TPM1: variants seen among roughly 807,000 people sequenced by gnomAD.
TPM1 encodes the protein tropomyosin alpha-1 chain.
In TPM1, 24 loss-of-function variants were observed where a neutral mutation model predicts 42.9. The ratio of observed to expected loss-of-function variants is 0.56; its 90% CI spans 0.41 to 0.79. TPM1 has a LOEUF of 0.79. TPM1 is among the 30% of genes least tolerant of loss of function. The probability of loss-of-function intolerance (pLI) is 0.00; values close to 1 mark genes in which losing one functional copy is unlikely to be tolerated. For missense variants in TPM1, 158 were observed against 351.8 expected (o/e 0.45, Z 4.41); for synonymous variants, 136 against 130.1 (o/e 1.05, Z -0.31).
chr15:63,050,692 T>C (rs2033678804), intron 2 of TPM1, among the ~76,000 whole-genome samples: 2 of 152,226 alleles, frequency 1.3e-5, no homozygotes, highest in Non-Finnish European at 2.9e-5. Flanking sequence ...ACACAGAACC[T>C]TTTAAGACAG....
intron 3 of TPM1, among the ~76,000 whole-genome samples, chr15:63,057,490 T>C (rs749818679): frequency 2.0e-5 from 3 of 152,236 alleles, no homozygotes; most frequent in Non-Finnish European, 2.9e-5. Context: ...CTTTATTTTA[T>C]AATATACAAG....
intron 2 of TPM1, chr15:63,046,320 A>T (rs2140666548): frequency 6.6e-6 from 1 of 152,342 alleles, no homozygotes; most frequent in African/African-American, 2.4e-5. Flanking sequence ...TTATTTACTA[A>T]AAAATAGTCA....
chr15:63,068,526 G>A (rs1293258451), downstream of TPM1, among the ~76,000 whole-genome samples: 2 of 152,154 alleles, frequency 1.3e-5, no homozygotes, highest in Admixed American at 6.5e-5. Flanking sequence ...TGACAGACCC[G>A]GGGGCTGCAG....
chr15:63,071,224 A>C, exon 9 of TPM1: 1 of 608,410 alleles, frequency 1.6e-6, no homozygotes, highest in Non-Finnish European at 2.6e-6. Context: ...TTTTGTTTTT[A>C]AACACCTGCT....
At chr15:63,070,474 C>T (rs1354842974), downstream of TPM1, 2 of 994,804 alleles carry the variant, frequency 2.0e-6, no homozygotes, top group South Asian at 4.4e-5. Flanking sequence ...GAAAGGTATG[C>T]TTTACTCAGT....
Position 63,042,776 on chromosome 15 carries a change from C to A in TPM1, c.-54C>A. The A allele has an allele frequency of 6.7e-7, 1 of 1,503,450 alleles. No homozygotes were observed. The highest frequency in any genetic ancestry group is 9.2e-7 in the Non-Finnish European group (1 of 1,088,426). The allele number at this position is 1,503,450 out of a possible 1,614,324, so 93.1% of individuals were successfully genotyped here. ...GCACTCCCGCTCCTCCGCCCGACCG[C>A]GCGCTCGCCCCGCCGCTCCTGCTGC... On this transcript the variant is annotated 5_prime_UTR_variant, in exon 1 of 10. Coordinates refer to ENST00000403994, the MANE Select transcript of TPM1 (RefSeq NM_001018005.2).
intron 8 of TPM1, 113 bp downstream of exon 8, chr15:63,062,758 A>G: frequency 6.3e-7 from 1 of 1,581,962 alleles, no homozygotes; most frequent in African/African-American, 1.4e-5. Context: ...GCACTTGCAC[A>G]TTCTTCCTGT....
At chr15:63,048,412 A>G in intron 2 of TPM1, 1 of 1,352,648 alleles carries the variant, frequency 7.4e-7, no homozygotes, top group Non-Finnish European at 9.4e-7. Flanking sequence ...GGAGGCTGCG[A>G]CTTCCGGACT....
intron 4 of TPM1, 45 bp from the exon 5 acceptor site, chr15:63,060,824 A>G (rs962391031): frequency 6.2e-7 from 1 of 1,611,658 alleles, no homozygotes; most frequent in Admixed American, 1.7e-5. Context: ...TGTTACACAA[A>G]GCTTGCAAGA....
chr15:63,056,544 G>A, intron 2 of TPM1: 2 of 215,484 alleles, frequency 9.3e-6, no homozygotes, highest in Non-Finnish European at 1.9e-5. Flanking sequence ...GCGGGCGCCT[G>A]TAGTCCCAAC....
intron 2 of TPM1, chr15:63,056,358 G>A (rs1596357023): frequency 6.5e-6 from 1 of 153,394 alleles, no homozygotes; most frequent in Admixed American, 6.5e-5. Context: ...GGCAAGTAAA[G>A]CCAGGGTGTT....
intron 8 of TPM1, chr15:63,062,880 T>C: frequency 6.6e-7 from 1 of 1,506,490 alleles, no homozygotes; most frequent in Non-Finnish European, 8.8e-7. Context: ...CCAGCTTGAC[T>C]TCATGCTCAT....
chr15:63,062,761 C>T lies in TPM1; in HGVS notation c.772+116C>T, dbSNP rs762459188. ...ATACGCTCCTTTGCACTTGCACATT[C>T]TTCCTGTGTGTCCTCTGGGGTTTTT... On this transcript the variant is annotated intron_variant, in intron 8 of 9. Transcript: ENST00000403994. 2.5e-6 allele frequency: 4 copies of T among 1,578,064 alleles called. No individual in the cohort carries two copies. In the Admixed American group the frequency reaches 7.3e-5, roughly 29 times the overall value.
rs571232866 is a variant in TPM1, at chr15:63,048,081, T to C, written c.240+3929T>C. 2.4e-3 allele frequency: 892 copies of C among 369,982 alleles called. 23 individuals are homozygous for C. The highest frequency in any genetic ancestry group is 0.017 in the South Asian group (873 of 52,356). 22.9% of individuals were successfully genotyped at this position (369,982 alleles called of 1,614,324 possible). A position where few individuals can be genotyped will look rare whatever the true frequency, so the allele number is the denominator to read the frequency against. ...TCCGGCTCCAGACCCGCCGCTCAGCTTCTCTGGCTCCCGGGCATGGGAATC... is the reference window on the plus strand; with the variant it reads ...TCCGGCTCCAGACCCGCCGCTCAGCCTCTCTGGCTCCCGGGCATGGGAATC... On this transcript the variant is annotated intron_variant, in intron 2 of 9. Coordinates refer to ENST00000403994, the MANE Select transcript of TPM1 (RefSeq NM_001018005.2).
At chr15:63,058,194 A>G (rs1333707526) in intron 3 of TPM1, among the ~76,000 whole-genome samples, 1 of 152,210 alleles carries the variant, frequency 6.6e-6, no homozygotes. Context: ...TTTGTGGCTG[A>G]CTTCTTTCTG....
At chr15:63,066,312 G>A, downstream of TPM1, 1 of 610,030 alleles carries the variant, frequency 1.6e-6, no homozygotes, top group Non-Finnish European at 2.2e-6. Flanking sequence ...CCCTCTCAGA[G>A]TTCTGATTTT....
chr15:63,061,359 C>T (rs2035596526), intron 5 of TPM1: 22 of 1,220,720 alleles, frequency 1.8e-5, no homozygotes, highest in South Asian at 4.9e-5. Flanking sequence ...TTTGGTATAA[C>T]GACTGCACCT....
At chr15:63,043,878 T>C in intron 1 of TPM1, 149 bp from the exon 2 acceptor site, 1 of 1,550,416 alleles carries the variant, frequency 6.4e-7, no homozygotes, top group Non-Finnish European at 8.7e-7. Flanking sequence ...GGCTAACTCT[T>C]TCTCTTTCTC....
At chr15:63,043,242 C>T (rs1698762701) in intron 1 of TPM1, 1 of 518,506 alleles carries the variant, frequency 1.9e-6, no homozygotes, top group Non-Finnish European at 3.6e-6. Flanking sequence ...GGGAGGAGGA[C>T]ACCCGGTTCC....
Sources: allele counts gnomAD v4.1 joint callset (sites outside exome capture counted in the v4.1 genomes callset), GRCh38; gene constraint gnomAD v4.1.1; transcripts MANE v1.5; gene names NCBI Gene and HGNC (gene_info 2026-07-23, HGNC 2026-07-21).